Variants in ZCCHC14 observed in about 807,000 individuals in gnomAD.
The protein encoded by ZCCHC14 is zinc finger CCHC domain-containing protein 14.
ZCCHC14 carries 16 observed loss-of-function variants against 85.0 expected under a neutral mutation model. That is an observed-to-expected ratio of 0.19 (90% CI 0.13 to 0.29). ZCCHC14 has a LOEUF of 0.29. Ranked by LOEUF, ZCCHC14 falls within the 10% of genes least tolerant of loss-of-function variation. The pLI is 1.00. For missense variants in ZCCHC14, 1,303 were observed against 1,443.5 expected (o/e 0.90, Z 1.58); for synonymous variants, 775 against 630.7 (o/e 1.23, Z -3.43).
intron 1 of ZCCHC14, among the ~76,000 whole-genome samples, chr16:87,478,779 G>T (rs536387051): frequency 6.6e-6 from 1 of 151,986 alleles, no homozygotes; most frequent in East Asian, 1.9e-4. Flanking sequence ...GCTAATTTTT[G>T]TATTTTTAGT....
intron 1 of ZCCHC14, among the ~76,000 whole-genome samples, chr16:87,460,892 G>A (rs1911225649): frequency 6.6e-6 from 1 of 152,156 alleles, no homozygotes; most frequent in Admixed American, 6.5e-5. Context: ...ATACAACTCG[G>A]TCTATTTGGG....
At chr16:87,419,997 G>T in intron 5 of ZCCHC14, 120 bp from the exon 6 acceptor site, 3 of 725,936 alleles carry the variant, frequency 4.1e-6, no homozygotes, top group Middle Eastern at 3.8e-4. Flanking sequence ...AGCCAGAAGT[G>T]CCAGAGCCTC....
At chr16:87,447,109 G>C (rs1910477132) in intron 2 of ZCCHC14, among the ~76,000 whole-genome samples, 1 of 152,152 alleles carries the variant, frequency 6.6e-6, no homozygotes, top group African/African-American at 2.4e-5. Flanking sequence ...TCTGCCAATA[G>C]ACTAGGAAAA....
At chr16:87,414,620 C>T (rs994153879) in intron 9 of ZCCHC14, 79 bp from the exon 10 acceptor site, 9 of 1,515,604 alleles carry the variant, frequency 5.9e-6, no homozygotes, top group African/African-American at 5.5e-5. Context: ...GACGGGTCTA[C>T]TCCACACCAC....
chr16:87,431,249 G>A (rs1483387670), intron 3 of ZCCHC14, among the ~76,000 whole-genome samples: 1 of 152,100 alleles, frequency 6.6e-6, no homozygotes, highest in Admixed American at 6.5e-5. Context: ...CGAGGCGGGT[G>A]GATCAGGAGG....
rs538648516 is a variant in ZCCHC14, at chr16:87,477,273, T to C, written c.570+14396A>G. Among the ~76,000 whole-genome samples, 55 of 152,258 alleles carry C rather than the reference T, an allele frequency of 3.6e-4. 1 individual carries two copies. The highest frequency in any genetic ancestry group is 1.3e-3 in the African/African-American group (54 of 41,526). ...AAGGAACCCCAACAAAATATCAGAC[T>C]GCGGTACTGAGGACTATCAGTTACA... On this transcript the variant is annotated intron_variant, in intron 1 of 12. Coordinates refer to ENST00000671377, the MANE Select transcript of ZCCHC14 (RefSeq NM_015144.3).
At chr16:87,434,163 G>C (rs1909798613) in intron 2 of ZCCHC14, among the ~76,000 whole-genome samples, 1 of 152,182 alleles carries the variant, frequency 6.6e-6, no homozygotes, top group Non-Finnish European at 1.5e-5. Context: ...ACGTACACTG[G>C]TGCGTGTTTT....
chr16:87,488,866 C>A (rs994059600), intron 1 of ZCCHC14, among the ~76,000 whole-genome samples: 20 of 152,230 alleles, frequency 1.3e-4, no homozygotes, highest in African/African-American at 4.1e-4. Context: ...GCGTAAGCCA[C>A]CTTGCCAGGC....
At chr16:87,468,438 T>C (rs1167964214) in intron 1 of ZCCHC14, among the ~76,000 whole-genome samples, 4 of 149,512 alleles carry the variant, frequency 2.7e-5, no homozygotes, top group Non-Finnish European at 5.9e-5. Context: ...TATATTACAA[T>C]AAATGATACC....
At chr16:87,462,395 T>G (rs1911306184) in intron 1 of ZCCHC14, among the ~76,000 whole-genome samples, 1 of 152,040 alleles carries the variant, frequency 6.6e-6, no homozygotes, top group Non-Finnish European at 1.5e-5. Flanking sequence ...TTCCAAACAG[T>G]ACATATTACT....
chr16:87,464,091 A>G (rs1911404670), intron 1 of ZCCHC14, among the ~76,000 whole-genome samples: 1 of 152,238 alleles, frequency 6.6e-6, no homozygotes, highest in South Asian at 2.1e-4. Context: ...GTTCTCGCAC[A>G]CACACACCGC....
At chr16:87,466,536 G>A (rs192295141) in intron 1 of ZCCHC14, among the ~76,000 whole-genome samples, 1 of 152,316 alleles carries the variant, frequency 6.6e-6, no homozygotes, top group East Asian at 1.9e-4. Flanking sequence ...TATTTTAAAT[G>A]CATAAAATAC....
At chr16:87,468,612 T>A (rs1767311127) in intron 1 of ZCCHC14, among the ~76,000 whole-genome samples, 1 of 152,230 alleles carries the variant, frequency 6.6e-6, no homozygotes, top group Non-Finnish European at 1.5e-5. Context: ...TTTAGCACAC[T>A]GTTAGATGTT....
In ZCCHC14 at chr16:87,411,657, C is replaced by A. The variant is rs1394308267; in HGVS notation, c.3064G>T (p.Val1022Leu). 2 of 1,614,022 alleles carry A rather than the reference C, an allele frequency of 1.2e-6. No individual in the cohort carries two copies. The highest frequency in any genetic ancestry group is 1.7e-6 in the Non-Finnish European group (2 of 1,179,964). Residue 1022 changes from valine (V) to leucine (L), a missense_variant, in exon 12 of 13, where the codon GTG becomes TTG. By Grantham distance (32) the Val-to-Leu change is conservative. Coordinates refer to ENST00000671377, the MANE Select transcript of ZCCHC14 (RefSeq NM_015144.3). ...MQNFMAGTAG[V>L]YQTQGLVGSS... is the part of the protein sequence containing the mutation. Reference sequence around the variant, plus strand: ...CCCACCAGTCCTTGGGTCTGGTACACCCCTGCTGTCCCTGCCATGAAGTTC... The same window carrying A: ...CCCACCAGTCCTTGGGTCTGGTACAACCCTGCTGTCCCTGCCATGAAGTTC...
At chr16:87,459,945 G>C in intron 2 of ZCCHC14, 63 bp downstream of exon 2, 1 of 1,610,884 alleles carries the variant, frequency 6.2e-7, no homozygotes, top group Non-Finnish European at 8.5e-7. Context: ...CCCTCACGGG[G>C]ATCTGGGGTG....
intron 2 of ZCCHC14, among the ~76,000 whole-genome samples, chr16:87,447,890 G>A (rs755649339): frequency 1.5e-4 from 23 of 151,994 alleles, no homozygotes; most frequent in African/African-American, 2.9e-4. Flanking sequence ...CCATTACCTC[G>A]GTGAATAGAA....
chr16:87,475,714 A>G (rs1046514550), intron 1 of ZCCHC14, among the ~76,000 whole-genome samples: 1 of 152,072 alleles, frequency 6.6e-6, no homozygotes, highest in Non-Finnish European at 1.5e-5. Context: ...CAAAGAACAG[A>G]GAGAGAAAAA....
In ZCCHC14 at chr16:87,420,051, C is replaced by G. The variant is rs151062228; in HGVS notation, c.951-174G>C. On this transcript the variant is annotated intron_variant, in intron 5 of 12. Transcript: ENST00000671377. The surrounding 1 kb of genome is among the most constrained non-coding windows in gnomAD (Gnocchi z 5.0). The stretch of plus-strand genomic sequence containing the variant: ...TTCAACTGAGTTCTTGCCCGACTGC[C>G]ACTGCTTCTTCAAGCCCTTCCTCTC... 1.6e-3 allele frequency among the ~76,000 whole-genome samples: 237 copies of G among 152,350 alleles called. 1 individual carries two copies. Among genetic ancestry groups the G allele is most frequent in the African/African-American group, 5.4e-3 (226 of 41,580 alleles).
At chr16:87,435,653 G>A (rs531193859) in intron 2 of ZCCHC14, among the ~76,000 whole-genome samples, 124 of 152,386 alleles carry the variant, frequency 8.1e-4, no homozygotes, top group Non-Finnish European at 1.5e-3. Context: ...GAGGGTCGTG[G>A]AGCACGAGGC....
Sources: gnomAD v4.1 joint callset for allele counts (sites outside exome capture counted in the v4.1 genomes callset) on GRCh38, gnomAD v4.1.1 for gene constraint, Gnocchi (gnomAD v3.1) non-coding constraint, MANE v1.5 for transcripts, NCBI Gene and HGNC (gene_info 2026-07-23, HGNC 2026-07-21) for gene names.